Variants in SEPTIN6 observed in about 807,000 individuals in gnomAD.
SEPTIN6 encodes the protein septin-6.
SEPTIN6 carries 8 observed loss-of-function variants against 33.6 expected under a neutral mutation model. The ratio of observed to expected loss-of-function variants is 0.24; its 90% confidence interval spans 0.14 to 0.43. The LOEUF (loss-of-function observed/expected upper bound fraction) is 0.43, where lower values mean the gene tolerates loss of function less well. Among genes scored for constraint, SEPTIN6 ranks in the 20% least tolerant of loss-of-function variants. The pLI is 1.00. For synonymous variants in SEPTIN6, 131 were observed against 140.0 expected (o/e 0.94, Z 0.45); for missense variants, 250 against 340.8 (o/e 0.73, Z 2.10).
chrX:119,635,879 T>C (rs1380047836), intron 7 of SEPTIN6, among the ~76,000 whole-genome samples: 1 of 111,391 alleles, frequency 9.0e-6, no homozygotes, highest in Non-Finnish European at 1.9e-5. Context: ...CAAGAATGCT[T>C]ACATGCAGCA....
intron 1 of SEPTIN6, among the ~76,000 whole-genome samples, chrX:119,678,304 A>G (rs1187382474): frequency 9.1e-6 from 1 of 110,324 alleles, no homozygotes; most frequent in Non-Finnish European, 1.9e-5. Context: ...GCGGATCACG[A>G]GGTCAGGAGA....
chrX:119,657,228 A>C lies in SEPTIN6; in HGVS notation c.342-4188T>G, dbSNP rs758918322. ...AGTGAGATTCCGTCTCAAAAAAAAA[A>C]AAAACAAAACAAAAAAACTGTGCCT... On this transcript the variant is annotated intron_variant, in intron 3 of 10. Coordinates refer to ENST00000394610, the MANE Select transcript of SEPTIN6 (RefSeq NM_145799.4). Among the ~76,000 whole-genome samples the C allele has an allele frequency of 6.5e-3, 708 of 109,375 alleles. 7 individuals are homozygous for C. Among genetic ancestry groups the C allele is most frequent in the African/African-American group, 0.021 (619 of 30,038 alleles). 95.0% of individuals were successfully genotyped at this position (109,375 alleles called of 115,157 possible).
intron 8 of SEPTIN6, among the ~76,000 whole-genome samples, chrX:119,630,847 C>A: frequency 9.2e-6 from 1 of 108,232 alleles, no homozygotes; most frequent in Non-Finnish European, 1.9e-5. Context: ...GAGCCGAGAT[C>A]GCACCACTGC....
chrX:119,680,190 C>T (rs1014618666), intron 1 of SEPTIN6, among the ~76,000 whole-genome samples: 12 of 100,205 alleles, frequency 1.2e-4, no homozygotes, highest in African/African-American at 4.4e-4. Context: ...GATAAACACT[C>T]TTAATTTTAT....
intron 4 of SEPTIN6, among the ~76,000 whole-genome samples, chrX:119,651,449 G>C (rs751718964): frequency 1.8e-5 from 2 of 111,926 alleles, no homozygotes; most frequent in Non-Finnish European, 3.8e-5. Context: ...AAGGTGGGCA[G>C]ATCACCTGAG....
chrX:119,653,177 G>T, intron 3 of SEPTIN6, 137 bp from the exon 4 acceptor site: 1 of 517,655 alleles, frequency 1.9e-6, no homozygotes, highest in East Asian at 3.7e-5. Context: ...TCCCTTCAGT[G>T]GGCCTCCAAT....
At chrX:119,686,795 C>T (rs2055064253) in intron 1 of SEPTIN6, 1 of 273,048 alleles carries the variant, frequency 3.7e-6, no homozygotes, top group Non-Finnish European at 6.7e-6. Context: ...AGAAAACCCA[C>T]ACAACCCGTG....
At chrX:119,641,132 G>A (rs765107341) in intron 5 of SEPTIN6, among the ~76,000 whole-genome samples, 12 of 111,944 alleles carry the variant, frequency 1.1e-4, no homozygotes, top group Non-Finnish European at 2.3e-4. Flanking sequence ...TGGAAGAAGG[G>A]GAAGTGGAAT....
At chrX:119,691,160 T>A (rs2055166488) in intron 1 of SEPTIN6, among the ~76,000 whole-genome samples, 1 of 111,609 alleles carries the variant, frequency 9.0e-6, no homozygotes, top group Admixed American at 9.6e-5. Flanking sequence ...CTCACCCCCA[T>A]CTGCAGAACA....
In SEPTIN6 at chrX:119,617,464, C is replaced by T. The variant is rs1169603975; in HGVS notation, c.*2629G>A. 1 of 804,584 alleles carries T rather than the reference C, an allele frequency of 1.2e-6. No individual in the cohort carries two copies. The highest frequency in any genetic ancestry group is 2.2e-5 in the African/African-American group (1 of 46,264). The allele number at this position is 804,584 out of a possible 1,213,427, so 66.3% of individuals were successfully genotyped here. ...CACCTGTTACACACAGTCTCCTGGA[C>T]CCCGTTCCAGCCTTGCAGCATCACT... On this transcript the variant is annotated 3_prime_UTR_variant, in exon 11 of 11. Transcript: ENST00000394610.
intron 5 of SEPTIN6, among the ~76,000 whole-genome samples, chrX:119,649,479 T>A (rs1349391171): frequency 3.8e-5 from 3 of 78,588 alleles, no homozygotes; most frequent in African/African-American, 1.1e-4. Flanking sequence ...TGGAATGAGA[T>A]CCTGTCTTAA....
At chrX:119,689,480 C>T (rs993817093) in intron 1 of SEPTIN6, among the ~76,000 whole-genome samples, 2 of 111,895 alleles carry the variant, frequency 1.8e-5, no homozygotes, top group African/African-American at 6.5e-5. Context: ...TTAAAAGCCA[C>T]GAACTTTTTT....
At chrX:119,624,870 C>T (rs748137634) in intron 10 of SEPTIN6, among the ~76,000 whole-genome samples, 5 of 110,808 alleles carry the variant, frequency 4.5e-5, no homozygotes, top group Non-Finnish European at 9.4e-5. Context: ...CCACCATGTC[C>T]GGCTAATTTT....
intron 2 of SEPTIN6, among the ~76,000 whole-genome samples, chrX:119,667,587 G>T (rs2054665191): frequency 9.0e-6 from 1 of 111,070 alleles, no homozygotes; most frequent in African/African-American, 3.3e-5. Context: ...CATCAGTGTA[G>T]AGCCTGGGGG....
Position 119,619,277 on chromosome X carries a change from C to T in SEPTIN6, c.*816G>A, listed in dbSNP as rs1757366224. On this transcript the variant is annotated 3_prime_UTR_variant, in exon 11 of 11. Coordinates refer to ENST00000394610, the MANE Select transcript of SEPTIN6 (RefSeq NM_145799.4). ...ATTACCCCCCGAGATGCTGAAATAC[C>T]TCACAAGAAGAATTCGGTAAGGCTA... 1 of 815,536 alleles carries T rather than the reference C, an allele frequency of 1.2e-6. No homozygotes were observed. The highest frequency in any genetic ancestry group is 1.5e-6 in the Non-Finnish European group (1 of 677,559). 67.2% of individuals were successfully genotyped at this position (815,536 alleles called of 1,213,427 possible).
intron 10 of SEPTIN6, among the ~76,000 whole-genome samples, chrX:119,622,252 G>A (rs1036406287): frequency 2.7e-5 from 3 of 111,631 alleles, no homozygotes; most frequent in Non-Finnish European, 5.6e-5. Context: ...AATAATGATT[G>A]AGGTAGAGTA....
intron 5 of SEPTIN6, among the ~76,000 whole-genome samples, chrX:119,644,498 C>G (rs1165365342): frequency 9.0e-6 from 1 of 111,539 alleles, no homozygotes; most frequent in Non-Finnish European, 1.9e-5. Flanking sequence ...GACCTTCTTG[C>G]CGCATCCTCA....
chrX:119,642,683 T>C (rs1408712566), intron 5 of SEPTIN6, among the ~76,000 whole-genome samples: 1 of 111,533 alleles, frequency 9.0e-6, no homozygotes, highest in Non-Finnish European at 1.9e-5. Context: ...CACAGGCTGA[T>C]CTCACAGTCA....
At chrX:119,631,097 C>T (rs943723049) in intron 8 of SEPTIN6, among the ~76,000 whole-genome samples, 1 of 110,572 alleles carries the variant, frequency 9.0e-6, no homozygotes, top group Non-Finnish European at 1.9e-5. Flanking sequence ...GTTAGTTCTC[C>T]GGGTCCTGGG....
Sources: gnomAD v4.1 joint callset for allele counts (sites outside exome capture counted in the v4.1 genomes callset) on GRCh38, gnomAD v4.1.1 for gene constraint, MANE v1.5 for transcripts, NCBI Gene and HGNC (gene_info 2026-07-23, HGNC 2026-07-21) for gene names.